CES5A: variants seen among roughly 807,000 people sequenced by gnomAD.
CES5A encodes the protein carboxylesterase 5.
Under a neutral mutation model 62.9 loss-of-function variants are expected in CES5A, and 67 were observed. The observed-to-expected ratio is 1.07, with a 90% CI of 0.88 to 1.31. CES5A has a LOEUF of 1.31. CES5A is among the 50% of genes most tolerant of loss of function. CES5A has a pLI of 0.00. For missense variants in CES5A, 748 were observed against 708.5 expected (o/e 1.06, Z -0.63); for synonymous variants, 296 against 280.8 (o/e 1.05, Z -0.54).
chr16:55,946,064 A>G (rs1357334089), intron 2 of CES5A, among the ~76,000 whole-genome samples: 1 of 152,240 alleles, frequency 6.6e-6, no homozygotes, highest in Non-Finnish European at 1.5e-5. Flanking sequence ...AGCATTCGGA[A>G]TTCACTTAAG....
intron 1 of CES5A, among the ~76,000 whole-genome samples, chr16:55,899,364 G>A (rs2142440341): frequency 6.6e-6 from 1 of 152,308 alleles, no homozygotes; most frequent in Non-Finnish European, 1.5e-5. Flanking sequence ...TTGCCCTGCT[G>A]CATATCCTTC....
At chr16:55,918,944 G>C (rs545231459) in intron 1 of CES5A, among the ~76,000 whole-genome samples, 3 of 152,304 alleles carry the variant, frequency 2.0e-5, no homozygotes, top group Admixed American at 1.3e-4. Flanking sequence ...ATCTCTACCA[G>C]GGTGGGTCTT....
In CES5A at chr16:55,852,777, T is replaced by G. The variant is rs570168234; in HGVS notation, c.1273+104A>C. 2,619 of 1,317,990 alleles carry G rather than the reference T, an allele frequency of 2.0e-3. 41 individuals are homozygous for G. In the South Asian group the frequency reaches 0.025, roughly 12 times the overall value. 81.6% of individuals were successfully genotyped at this position (1,317,990 alleles called of 1,614,324 possible). A position where few individuals can be genotyped will look rare whatever the true frequency, so the allele number is the denominator to read the frequency against. Reference sequence around the variant, plus strand: ...ACACCTGGAAATGCACTTTCCATGATAGAACAGAGGCAGAGAAGGCAGCCG... The same window carrying G: ...ACACCTGGAAATGCACTTTCCATGAGAGAACAGAGGCAGAGAAGGCAGCCG... On this transcript the variant is annotated intron_variant, in intron 10 of 12. Transcript: ENST00000290567.
At chr16:55,857,133 G>A (rs1453448108) in intron 8 of CES5A, among the ~76,000 whole-genome samples, 2 of 152,184 alleles carry the variant, frequency 1.3e-5, no homozygotes, top group South Asian at 2.1e-4. Context: ...CACAGTGGGA[G>A]GTCAGGCAGT....
intron 2 of CES5A, among the ~76,000 whole-genome samples, chr16:55,872,884 G>A (rs2033620884): frequency 6.6e-6 from 1 of 152,108 alleles, no homozygotes; most frequent in South Asian, 2.1e-4. Flanking sequence ...GCTCCATGAT[G>A]ACAGCTGTGA....
chr16:55,939,529 A>G (rs1303043420), intron 2 of CES5A, among the ~76,000 whole-genome samples: 2 of 152,182 alleles, frequency 1.3e-5, no homozygotes, highest in African/African-American at 4.8e-5. Context: ...AGAAGATGAC[A>G]TGGCCCCCTG....
intron 5 of CES5A, among the ~76,000 whole-genome samples, chr16:55,865,421 T>C (rs569107749): frequency 4.6e-5 from 7 of 152,310 alleles, no homozygotes; most frequent in African/African-American, 1.7e-4. Flanking sequence ...TGCAGGCATC[T>C]TTAAGTTTGC....
chr16:55,855,756 AG>A (rs1477673096), intron 9 of CES5A, among the ~76,000 whole-genome samples: 1 of 152,188 alleles, frequency 6.6e-6, no homozygotes, highest in East Asian at 1.9e-4. Context: ...GGTTACAAAA[AG>A]CCTCTGGGTT....
chr16:55,918,201 C>G (rs1054734403), intron 1 of CES5A, among the ~76,000 whole-genome samples: 2 of 152,278 alleles, frequency 1.3e-5, no homozygotes, highest in East Asian at 3.9e-4. Flanking sequence ...CTACCCAAGG[C>G]TCACCTCCAG....
At chr16:55,862,428 T>C (rs147692720) in intron 6 of CES5A, among the ~76,000 whole-genome samples, 3 of 152,328 alleles carry the variant, frequency 2.0e-5, no homozygotes, top group African/African-American at 7.2e-5. Flanking sequence ...AAAGATTATA[T>C]TGCCCTCAAA....
At chr16:55,852,810 G>A in intron 10 of CES5A, 71 bp downstream of exon 10, 1 of 1,531,666 alleles carries the variant, frequency 6.5e-7, no homozygotes, top group Non-Finnish European at 8.9e-7. Flanking sequence ...CCGCTCAGTA[G>A]ACAATATGGA....
intron 2 of CES5A, among the ~76,000 whole-genome samples, chr16:55,873,549 C>G (rs1303366243): frequency 6.6e-6 from 1 of 152,168 alleles, no homozygotes; most frequent in African/African-American, 2.4e-5. Context: ...CTCTAAAAAG[C>G]GTTCAGATAA....
At chr16:55,947,091 C>T (rs1436341927) in intron 2 of CES5A, among the ~76,000 whole-genome samples, 2 of 152,188 alleles carry the variant, frequency 1.3e-5, no homozygotes, top group African/African-American at 4.8e-5. Flanking sequence ...TGGGGCCACT[C>T]CCTGCAGGTG....
intron 1 of CES5A, among the ~76,000 whole-genome samples, chr16:55,902,859 T>C (rs2034005316): frequency 1.3e-5 from 2 of 152,060 alleles, no homozygotes; most frequent in African/African-American, 4.8e-5. Flanking sequence ...TGTGGGGTAG[T>C]GAAGCTCAAG....
chr16:55,915,464 G>A (rs564738764), intron 1 of CES5A, among the ~76,000 whole-genome samples: 1 of 152,234 alleles, frequency 6.6e-6, no homozygotes, highest in African/African-American at 2.4e-5. Context: ...GAGATAACTG[G>A]AAGGAGAAAG....
At chr16:55,860,695 T>A (rs1255812058) in intron 7 of CES5A, among the ~76,000 whole-genome samples, 1 of 152,138 alleles carries the variant, frequency 6.6e-6, no homozygotes, top group Non-Finnish European at 1.5e-5. Context: ...AGGTTTCTGT[T>A]TTGAGATTTG....
chr16:55,873,918 G>A lies in CES5A; in HGVS notation c.193C>T (p.Pro65Ser), dbSNP rs1230406058. The A allele has an allele frequency of 4.3e-6, 7 of 1,613,916 alleles. No homozygotes were observed. Among genetic ancestry groups the A allele is most frequent in the South Asian group, 1.1e-5 (1 of 90,876 alleles). ...GTAAATCGCAGGGATCCCAGCGGGG[G>A]AGCAGCAAAGGGGACTCCGAGGAAC... ...NVFLGVPFAA[P>S]PLGSLRFTNP... Residue 65 changes from proline (P) to serine (S), a missense_variant, in exon 2 of 13, where the codon CCC becomes TCC. Transcript: ENST00000290567.
chr16:55,909,570 G>GCACGCACACACA (rs1555485427), intron 1 of CES5A, among the ~76,000 whole-genome samples: 2 of 150,046 alleles, frequency 1.3e-5, no homozygotes, highest in Non-Finnish European at 3.0e-5. Context: ...GTGCGCACGT[G>GCACGCACACACA]CACACACACA....
At chr16:55,914,429 G>A (rs569913112) in intron 1 of CES5A, among the ~76,000 whole-genome samples, 1 of 152,238 alleles carries the variant, frequency 6.6e-6, no homozygotes, top group East Asian at 1.9e-4. Flanking sequence ...GTCTCCCCAC[G>A]GTCTGGTAGT....
Sources: gnomAD v4.1 joint callset for allele counts (sites outside exome capture counted in the v4.1 genomes callset) on GRCh38, gnomAD v4.1.1 for gene constraint, MANE v1.5 for transcripts, NCBI Gene and HGNC (gene_info 2026-07-23, HGNC 2026-07-21) for gene names.